Variants in CAMTA1 observed in about 807,000 individuals in gnomAD.
The protein encoded by CAMTA1 is calmodulin binding transcription activator 1, also known as calmodulin-binding transcription activator 1.
CAMTA1 carries 27 observed loss-of-function variants against 170.9 expected under a neutral mutation model. The observed-to-expected ratio is 0.16, with a 90% CI of 0.12 to 0.22. The LOEUF (loss-of-function observed/expected upper bound fraction) is 0.22. Ranked by LOEUF, CAMTA1 falls within the 10% of genes least tolerant of loss-of-function variation. The pLI, the probability that CAMTA1 is intolerant of heterozygous loss-of-function variation, is 1.00. For synonymous variants in CAMTA1, 833 were observed against 891.5 expected, an observed-to-expected ratio of 0.93 and a Z score of 1.17; for missense variants, 1,619 against 2,217.2, an observed-to-expected ratio of 0.73 and a Z score of 5.42.
At chr1:7,034,960 G>A (rs2101156085) in intron 3 of CAMTA1, among the ~76,000 whole-genome samples, 1 of 152,142 alleles carries the variant, frequency 6.6e-6, no homozygotes, top group Non-Finnish European at 1.5e-5. Context: ...CATGAAAAAA[G>A]TTGCTCATTT....
In CAMTA1 at chr1:7,680,842, A is replaced by ACGCGCGCGCG. The variant is rs1553247058; in HGVS notation, c.2914+3119_2914+3128dup. On this transcript the variant is annotated intron_variant, in intron 11 of 22. Coordinates refer to ENST00000303635, the MANE Select transcript of CAMTA1 (RefSeq NM_015215.4). This position sits in a 1 kb window ranked among gnomAD's most constrained non-coding sequence, Gnocchi z 4.4. ...GGCGTGGGTCCGGGGCGCAGAGAACACGCGCGCGCGCGCGCGCGCCAGCAG... is the reference window on the plus strand; with the variant it reads ...GGCGTGGGTCCGGGGCGCAGAGAACACGCGCGCGCGCGCGCGCGCGCGCGCGCGCCAGCAG... 7.1e-6 allele frequency among the ~76,000 whole-genome samples: 1 copy of ACGCGCGCGCG among 141,056 alleles called. No homozygotes were observed. Among genetic ancestry groups the ACGCGCGCGCG allele is most frequent in the Non-Finnish European group, 1.6e-5 (1 of 63,778 alleles). The allele number at this position is 141,056 out of a possible 152,430, so 92.5% of individuals were successfully genotyped here.
intron 5 of CAMTA1, among the ~76,000 whole-genome samples, chr1:7,307,362 T>A (rs1266629111): frequency 6.6e-6 from 1 of 151,966 alleles, no homozygotes; most frequent in African/African-American, 2.4e-5. Flanking sequence ...TTCTTAGAAT[T>A]TTTTGTGTGG....
chr1:6,797,221 C>A (rs996057582), intron 1 of CAMTA1, among the ~76,000 whole-genome samples: 10 of 152,114 alleles, frequency 6.6e-5, no homozygotes, highest in African/African-American at 9.7e-5. Context: ...AGGTGCGTGC[C>A]ACCATGCCAG....
At chr1:7,363,128 A>G (rs1313342076) in intron 5 of CAMTA1, among the ~76,000 whole-genome samples, 1 of 152,174 alleles carries the variant, frequency 6.6e-6, no homozygotes, top group African/African-American at 2.4e-5. Flanking sequence ...GTGAGTAGGA[A>G]CTGTGCCCTT....
chr1:7,481,471 CCTTTCAA>C (rs1434297782), intron 6 of CAMTA1, among the ~76,000 whole-genome samples: 15 of 152,300 alleles, frequency 9.8e-5, no homozygotes, highest in African/African-American at 3.4e-4. Context: ...ATTCAGGTCT[CCTTTCAA>C]CTTTCAACTC....
chr1:6,844,774 A>C (rs1372253799), intron 3 of CAMTA1, among the ~76,000 whole-genome samples: 1 of 152,084 alleles, frequency 6.6e-6, no homozygotes, highest in Non-Finnish European at 1.5e-5. Context: ...GAAATGAGCA[A>C]AATACAGCTA....
At chr1:7,011,292 C>T (rs1699743367) in intron 3 of CAMTA1, among the ~76,000 whole-genome samples, 2 of 152,260 alleles carry the variant, frequency 1.3e-5, no homozygotes, top group South Asian at 2.1e-4. Flanking sequence ...GCAACCTCTG[C>T]CTCTTGGGTT....
intron 4 of CAMTA1, among the ~76,000 whole-genome samples, chr1:7,163,931 T>C (rs1291067717): frequency 1.3e-5 from 2 of 152,232 alleles, no homozygotes; most frequent in Admixed American, 6.5e-5. Context: ...TTTTGTGTTA[T>C]AGAGAGCATA....
At chr1:7,653,406 G>T (rs1198489352) in intron 7 of CAMTA1, among the ~76,000 whole-genome samples, 1 of 151,984 alleles carries the variant, frequency 6.6e-6, no homozygotes, top group East Asian at 1.9e-4. Context: ...GGGATTACAG[G>T]TGCCCACCAC....
At chr1:7,121,514 A>G (rs1272144810) in intron 4 of CAMTA1, among the ~76,000 whole-genome samples, 2 of 152,224 alleles carry the variant, frequency 1.3e-5, no homozygotes, top group African/African-American at 4.8e-5. Flanking sequence ...TCTTGCGGTC[A>G]TGGGTGAAGT....
At chr1:7,023,262 G>A (rs1323662023) in intron 3 of CAMTA1, among the ~76,000 whole-genome samples, 8 of 152,164 alleles carry the variant, frequency 5.3e-5, no homozygotes, top group Non-Finnish European at 1.0e-4. Context: ...ATTTGGTCCC[G>A]AATTAGTGGT....
intron 4 of CAMTA1, among the ~76,000 whole-genome samples, chr1:7,207,669 T>G (rs8179413): frequency 0.69 from 105,051 of 151,904 alleles, 37,438 homozygotes; most frequent in African/African-American, 0.87. Flanking sequence ...TGGCCTTGAC[T>G]CAGGTGTCCT....
rs1449161829 is a variant in CAMTA1, at chr1:7,325,029, A to G, written c.438+75403A>G. On this transcript the variant is annotated intron_variant, in intron 5 of 22. Coordinates refer to ENST00000303635, the MANE Select transcript of CAMTA1 (RefSeq NM_015215.4). The surrounding 1 kb of genome is among the most constrained non-coding windows in gnomAD (Gnocchi z 5.0). ...GACGTTGATTATATCTTGATTTTCTATACCCCTCCAAAATAGACATCATTA... is the reference window on the plus strand; with the variant it reads ...GACGTTGATTATATCTTGATTTTCTGTACCCCTCCAAAATAGACATCATTA... Among the ~76,000 whole-genome samples, 3 of 152,122 alleles carry G rather than the reference A, an allele frequency of 2.0e-5. No individual in the cohort carries two copies. Among genetic ancestry groups the G allele is most frequent in the African/African-American group, 4.8e-5 (2 of 41,394 alleles).
At chr1:6,815,311 C>A (rs1165304258) in intron 1 of CAMTA1, among the ~76,000 whole-genome samples, 1 of 151,968 alleles carries the variant, frequency 6.6e-6, no homozygotes, top group Non-Finnish European at 1.5e-5. Context: ...CTCAAGCAAT[C>A]CGCCTGCCTC....
At chr1:6,967,189 C>T (rs1314136174) in intron 3 of CAMTA1, among the ~76,000 whole-genome samples, 26 of 151,772 alleles carry the variant, frequency 1.7e-4, no homozygotes, top group African/African-American at 3.9e-4. Flanking sequence ...TGCAGTGAGC[C>T]GAGACTGTGC....
At chr1:7,315,109 A>C (rs1677294407) in intron 5 of CAMTA1, among the ~76,000 whole-genome samples, 1 of 152,208 alleles carries the variant, frequency 6.6e-6, no homozygotes, top group South Asian at 2.1e-4. Context: ...CTGGAGGCTC[A>C]ATTTCATTGC....
At chr1:6,836,063 C>T (rs1382508018) in intron 3 of CAMTA1, among the ~76,000 whole-genome samples, 2 of 152,158 alleles carry the variant, frequency 1.3e-5, no homozygotes, top group African/African-American at 4.8e-5. Flanking sequence ...GCCTGTCTAC[C>T]TGTCTACCTG....
chr1:7,365,647 T>C (rs1244899797), intron 5 of CAMTA1, among the ~76,000 whole-genome samples: 1 of 152,210 alleles, frequency 6.6e-6, no homozygotes, highest in Non-Finnish European at 1.5e-5. Flanking sequence ...CCCTTTCTTT[T>C]CCTCTGGCTC....
rs189818203 is a variant in CAMTA1, at chr1:7,132,160, A to G, written c.302+40789A>G. ...TTTCCATATACATTTTAGAAATTTT[A>G]ACATCAGCTTATCAATTTCTGCAAC... is the stretch of plus-strand genomic sequence containing the variant. On this transcript the variant is annotated intron_variant, in intron 4 of 22. Transcript: ENST00000303635. 7.4e-3 allele frequency among the ~76,000 whole-genome samples: 1,134 copies of G among 152,292 alleles called. 15 individuals carry two copies. Among genetic ancestry groups the G allele is most frequent in the Non-Finnish European group, 0.011 (734 of 68,024 alleles).
Sources: allele counts gnomAD v4.1 joint callset (sites outside exome capture counted in the v4.1 genomes callset), GRCh38; gene constraint gnomAD v4.1.1; non-coding constraint Gnocchi (gnomAD v3.1); transcripts MANE v1.5; gene names NCBI Gene and HGNC (gene_info 2026-07-23, HGNC 2026-07-21).